The following CDK8 variants were observed in gnomAD, a reference collection of about 807,000 sequenced individuals.
CDK8 encodes cyclin-dependent kinase 8.
A neutral mutation model predicts 71.5 loss-of-function variants in CDK8; 29 were observed. The ratio of observed to expected loss-of-function variants is 0.41; its 90% confidence interval spans 0.30 to 0.55. The LOEUF is 0.55. Among genes scored for constraint, CDK8 ranks in the 20% least tolerant of loss-of-function variants. CDK8 has a pLI of 0.37. For missense variants in CDK8, 288 were observed against 572.6 expected (o/e 0.50, Z 5.07); for synonymous variants, 161 against 192.1 (o/e 0.84, Z 1.34).
chr13:26,278,699 C>T (rs1328856741), intron 1 of CDK8, among the ~76,000 whole-genome samples: 1 of 152,116 alleles, frequency 6.6e-6, no homozygotes, highest in Non-Finnish European at 1.5e-5. Context: ...AAGTAATAGA[C>T]ACTGACTTGG....
At chr13:26,285,813 C>A (rs922407520) in intron 1 of CDK8, among the ~76,000 whole-genome samples, 1 of 152,160 alleles carries the variant, frequency 6.6e-6, no homozygotes. Context: ...AATCAGCGTA[C>A]ACAAATCAGA....
intron 1 of CDK8, among the ~76,000 whole-genome samples, chr13:26,275,288 C>G (rs191486026): frequency 3.6e-4 from 55 of 152,250 alleles, no homozygotes; most frequent in Admixed American, 2.2e-3. Context: ...GCTCTAAAAT[C>G]AACAACTCAA....
Position 26,322,018 on chromosome 13 carries a change from C to T in CDK8, c.129-15549C>T, listed in dbSNP as rs115444127. On this transcript the variant is annotated intron_variant, in intron 1 of 12. Transcript: ENST00000381527. ...CTAGTATCTTGACATACAGAAAATT[C>T]GGGATAAATGTTATCATCATCATAT... Among the ~76,000 whole-genome samples the T allele has an allele frequency of 6.5e-3, 982 of 152,126 alleles. 10 individuals carry two copies. The highest frequency in any genetic ancestry group is 0.021 in the African/African-American group (869 of 41,482).
At chr13:26,362,622 G>T (rs988003745) in intron 4 of CDK8, among the ~76,000 whole-genome samples, 1 of 152,064 alleles carries the variant, frequency 6.6e-6, no homozygotes, top group African/African-American at 2.4e-5. Context: ...TAATAAGATG[G>T]TGTCCATCTA....
At chr13:26,289,941 C>G (rs983545777) in intron 1 of CDK8, among the ~76,000 whole-genome samples, 1 of 152,138 alleles carries the variant, frequency 6.6e-6, no homozygotes, top group Non-Finnish European at 1.5e-5. Flanking sequence ...ATTCAATGCA[C>G]CAAACATTTT....
At chr13:26,292,973 C>T (rs1244762830) in intron 1 of CDK8, among the ~76,000 whole-genome samples, 1 of 152,038 alleles carries the variant, frequency 6.6e-6, no homozygotes, top group Non-Finnish European at 1.5e-5. Flanking sequence ...ATTCTCAGTC[C>T]TGAGATGTAG....
intron 12 of CDK8, among the ~76,000 whole-genome samples, chr13:26,402,523 C>A (rs912839407): frequency 6.6e-6 from 1 of 152,170 alleles, no homozygotes; most frequent in Admixed American, 6.5e-5. Flanking sequence ...GTCCCGAGTG[C>A]TCGTTACTGT....
chr13:26,365,437 A>G (rs901047838), intron 4 of CDK8, among the ~76,000 whole-genome samples: 9 of 152,182 alleles, frequency 5.9e-5, no homozygotes, highest in Admixed American at 5.9e-4. Flanking sequence ...ACTTCATTTT[A>G]TTAAATGTCA....
At chr13:26,304,124 G>T (rs539424796) in intron 1 of CDK8, among the ~76,000 whole-genome samples, 1 of 151,738 alleles carries the variant, frequency 6.6e-6, no homozygotes, top group South Asian at 2.1e-4. Flanking sequence ...AATTAGCCAG[G>T]TGTGGTGGTA....
intron 1 of CDK8, among the ~76,000 whole-genome samples, chr13:26,281,188 A>G (rs1872730031): frequency 6.6e-6 from 1 of 152,268 alleles, no homozygotes; most frequent in Non-Finnish European, 1.5e-5. Flanking sequence ...TGAGAAAGCC[A>G]GCACACTAAA....
chr13:26,372,598 G>T (rs1368987695), intron 4 of CDK8, among the ~76,000 whole-genome samples: 1 of 152,080 alleles, frequency 6.6e-6, no homozygotes, highest in African/African-American at 2.4e-5. Context: ...CTATTAAATG[G>T]TAGTGCTCAG....
intron 1 of CDK8, among the ~76,000 whole-genome samples, chr13:26,268,701 G>A: frequency 6.6e-6 from 1 of 152,066 alleles, no homozygotes; most frequent in East Asian, 1.9e-4. Flanking sequence ...TAAAATTACA[G>A]TTATTTCATT....
At position 26,401,130 on chromosome 13, in the gene CDK8, C is replaced by A; in HGVS notation, c.1032-139C>A. On this transcript the variant is annotated intron_variant, in intron 10 of 12. Coordinates refer to ENST00000381527, the MANE Select transcript of CDK8 (RefSeq NM_001260.3). This position sits in a 1 kb window ranked among gnomAD's most constrained non-coding sequence, Gnocchi z 4.5. ...TACAAAGAAAAGATTCGTTTTGTCA[C>A]AGTTACATGAAAGGTGCTTATATTT... is the stretch of plus-strand genomic sequence containing the variant. 1 of 666,082 alleles carries A rather than the reference C, an allele frequency of 1.5e-6. No individual in the cohort carries two copies. Among genetic ancestry groups the A allele is most frequent in the Non-Finnish European group, 2.6e-6 (1 of 385,238 alleles). The allele number at this position is 666,082 out of a possible 1,614,324, so 41.3% of individuals were successfully genotyped here.
At chr13:26,403,872 A>G (rs943394457) in intron 12 of CDK8, 84 bp from the exon 13 acceptor site, 10 of 1,515,808 alleles carry the variant, frequency 6.6e-6, no homozygotes, top group Non-Finnish European at 9.0e-6. Flanking sequence ...CTTCCTTGAA[A>G]CATAATGACA....
intron 2 of CDK8, among the ~76,000 whole-genome samples, chr13:26,339,013 C>T (rs1873110690): frequency 6.6e-6 from 1 of 151,988 alleles, no homozygotes; most frequent in African/African-American, 2.4e-5. Flanking sequence ...CAGCTATTAT[C>T]TTTGCATATA....
chr13:26,333,730 A>ATATC (rs1437062600), intron 1 of CDK8, among the ~76,000 whole-genome samples: 1 of 152,222 alleles, frequency 6.6e-6, no homozygotes, highest in Non-Finnish European at 1.5e-5. Context: ...CATCCCCAAG[A>ATATC]TATCTCATTA....
chr13:26,356,802 A>T (rs1231553514), intron 4 of CDK8, among the ~76,000 whole-genome samples: 1 of 152,196 alleles, frequency 6.6e-6, no homozygotes, highest in Non-Finnish European at 1.5e-5. Flanking sequence ...TGTTACTTGC[A>T]TATGAAATAT....
At chr13:26,328,018 A>G (rs1427459641) in intron 1 of CDK8, among the ~76,000 whole-genome samples, 1 of 148,486 alleles carries the variant, frequency 6.7e-6, no homozygotes, top group Non-Finnish European at 1.5e-5. Flanking sequence ...TACTGTGGTC[A>G]CTAAAAATAC....
intron 6 of CDK8, among the ~76,000 whole-genome samples, chr13:26,392,520 A>G (rs1875799251): frequency 6.6e-6 from 1 of 151,756 alleles, no homozygotes; most frequent in Non-Finnish European, 1.5e-5. Context: ...TAGAGACAGG[A>G]TTTAACTATG....
Sources: gnomAD v4.1 joint callset for allele counts (sites outside exome capture counted in the v4.1 genomes callset) on GRCh38, gnomAD v4.1.1 for gene constraint, Gnocchi (gnomAD v3.1) non-coding constraint, MANE v1.5 for transcripts, NCBI Gene and HGNC (gene_info 2026-07-23, HGNC 2026-07-21) for gene names.